Variants in USP40 observed in about 807,000 individuals in gnomAD.
USP40 encodes the protein ubiquitin carboxyl-terminal hydrolase 40.
USP40 carries 143 observed loss-of-function variants against 166.2 expected under a neutral mutation model. That is an observed-to-expected ratio of 0.86 (90% CI 0.75 to 0.99). The LOEUF is 0.99. Among genes scored for constraint, USP40 ranks in the 50% least tolerant of loss-of-function variants. The pLI is 0.00. For synonymous variants in USP40, 498 were observed against 524.0 expected (o/e 0.95, Z 0.68); for missense variants, 1,444 against 1,479.7 (o/e 0.98, Z 0.40).
chr2:233,540,790 A>G, intron 9 of USP40, 21 bp from the exon 10 acceptor site: 1 of 1,572,184 alleles, frequency 6.4e-7, no homozygotes, highest in African/African-American at 1.4e-5. Context: ...AAACACAGTC[A>G]CTCAAGAAAA....
intron 8 of USP40, among the ~76,000 whole-genome samples, chr2:233,544,959 A>G (rs2069772668): frequency 6.6e-6 from 1 of 152,164 alleles, no homozygotes; most frequent in African/African-American, 2.4e-5. Context: ...AAGGGCTGGT[A>G]GCGATCTCAG....
At chr2:233,558,650 T>C (rs1369804933) in intron 4 of USP40, among the ~76,000 whole-genome samples, 2 of 152,186 alleles carry the variant, frequency 1.3e-5, no homozygotes, top group African/African-American at 2.4e-5. Context: ...GAGTTTCTTT[T>C]TGGGGTGGTA....
chr2:233,484,122 C>T (rs761225468), intron 30 of USP40, among the ~76,000 whole-genome samples: 1 of 152,150 alleles, frequency 6.6e-6, no homozygotes, highest in Admixed American at 6.5e-5. Context: ...CGTACCACTG[C>T]ACTCCAGCCT....
At chr2:233,517,099 T>C (rs983631593) in intron 18 of USP40, among the ~76,000 whole-genome samples, 27 of 152,188 alleles carry the variant, frequency 1.8e-4, no homozygotes, top group African/African-American at 6.3e-4. Flanking sequence ...AAAAAGGCAA[T>C]GAATTTCTGT....
intron 21 of USP40, among the ~76,000 whole-genome samples, chr2:233,501,733 G>T (rs1026522688): frequency 1.3e-5 from 2 of 152,212 alleles, no homozygotes; most frequent in Non-Finnish European, 2.9e-5. Flanking sequence ...AAATGGAGTT[G>T]CCATTAACTG....
At chr2:233,481,116 C>T in intron 31 of USP40, 87 bp downstream of exon 31, 1 of 1,285,108 alleles carries the variant, frequency 7.8e-7, no homozygotes, top group Non-Finnish European at 1.1e-6. Context: ...ACAAGAGTTT[C>T]CGGTCCCTCT....
chr2:233,529,814 CTTT>C (rs369071345), intron 11 of USP40, among the ~76,000 whole-genome samples: 1 of 133,950 alleles, frequency 7.5e-6, no homozygotes, highest in Non-Finnish European at 1.5e-5. Context: ...TTTTCTTTTT[CTTT>C]TTTTTTTTGA....
At chr2:233,563,162 C>A (rs2071814801) in intron 2 of USP40, among the ~76,000 whole-genome samples, 1 of 152,198 alleles carries the variant, frequency 6.6e-6, no homozygotes, top group East Asian at 1.9e-4. Context: ...AGTTTTCCTG[C>A]CACATGTAAG....
At chr2:233,524,814 A>T (rs2125233165) in intron 14 of USP40, among the ~76,000 whole-genome samples, 1 of 152,342 alleles carries the variant, frequency 6.6e-6, no homozygotes, top group East Asian at 1.9e-4. Context: ...GGCACATGAC[A>T]TTGGAAACAG....
chr2:233,516,062 T>C (rs2067166295), intron 18 of USP40, among the ~76,000 whole-genome samples: 1 of 152,220 alleles, frequency 6.6e-6, no homozygotes, highest in Non-Finnish European at 1.5e-5. Context: ...TGATCTCTGT[T>C]GCACATGCTT....
At chr2:233,564,900 C>T (rs545874667) in intron 2 of USP40, among the ~76,000 whole-genome samples, 2 of 152,196 alleles carry the variant, frequency 1.3e-5, no homozygotes, top group Middle Eastern at 6.8e-3. Context: ...TGTGAGCTTT[C>T]CAGATTTCAG....
rs13403667 is a variant in USP40, at chr2:233,550,303, T to C, written c.837+1073A>G. Among the ~76,000 whole-genome samples, 121 of 152,138 alleles carry C rather than the reference T, an allele frequency of 8.0e-4. 3 individuals are homozygous for C. Among genetic ancestry groups the C allele is most frequent in the Non-Finnish European group, 2.6e-4 (18 of 68,014 alleles). ...AAGTAAAATGAATGTGGACTTCCTATATAAGTGCTCAATTTCTTCAATTAT... is the reference window on the plus strand; with the variant it reads ...AAGTAAAATGAATGTGGACTTCCTACATAAGTGCTCAATTTCTTCAATTAT... On this transcript the variant is annotated intron_variant, in intron 7 of 31. Coordinates refer to ENST00000678225, the MANE Select transcript of USP40 (RefSeq NM_001365479.2).
At chr2:233,559,998 C>T in intron 3 of USP40, 74 bp from the exon 4 acceptor site, 1 of 1,038,662 alleles carries the variant, frequency 9.6e-7, no homozygotes, top group Non-Finnish European at 1.4e-6. Flanking sequence ...CAACTGCATA[C>T]TAGCTTTTTT....
At chr2:233,533,392 T>C (rs1461399834) in intron 11 of USP40, 87 bp downstream of exon 11, 1 of 1,385,434 alleles carries the variant, frequency 7.2e-7, no homozygotes, top group Non-Finnish European at 9.8e-7. Context: ...AAACCTTTTT[T>C]TAAAAGAATA....
chr2:233,518,295 A>C, intron 18 of USP40, among the ~76,000 whole-genome samples: 1 of 139,454 alleles, frequency 7.2e-6, no homozygotes, highest in Non-Finnish European at 1.5e-5. Flanking sequence ...GGCTGGGCTC[A>C]GTGTCTCATG....
chr2:233,517,698 GTTT>G (rs2067325670), intron 18 of USP40, among the ~76,000 whole-genome samples: 1 of 151,948 alleles, frequency 6.6e-6, no homozygotes, highest in Non-Finnish European at 1.5e-5. Flanking sequence ...GCACATGCAT[GTTT>G]ATAGCAGCAC....
intron 22 of USP40, 24 bp from the exon 23 acceptor site, chr2:233,498,636 TA>T (rs759437931): frequency 2.6e-5 from 42 of 1,605,080 alleles, no homozygotes; most frequent in East Asian, 6.7e-5. Context: ...AAAATTGGGA[TA>T]AAAAAAATTC....
In USP40 at chr2:233,493,172, TG is replaced by T; in HGVS notation, c.2917+252del. 1.9e-6 allele frequency: 1 copy of T among 528,100 alleles called. No individual in the cohort carries two copies. Among genetic ancestry groups the T allele is most frequent in the East Asian group, 2.9e-5 (1 of 34,442 alleles). 32.7% of individuals were successfully genotyped at this position (528,100 alleles called of 1,614,324 possible). A position where few individuals can be genotyped will look rare whatever the true frequency, so the allele number is the denominator to read the frequency against. Reference sequence around the variant, plus strand: ...TTGAGAGATGATACATAAAAGTCTTTGGAAAGTGTAATATATTGATATAATA... The same window carrying T: ...TTGAGAGATGATACATAAAAGTCTTTGAAAGTGTAATATATTGATATAATA... On this transcript the variant is annotated intron_variant, in intron 25 of 31. Coordinates refer to ENST00000678225, the MANE Select transcript of USP40 (RefSeq NM_001365479.2). The surrounding 1 kb of genome is among the most constrained non-coding windows in gnomAD (Gnocchi z 4.7).
At chr2:233,509,838 T>TAAAAAAAA (rs746629187) in intron 21 of USP40, among the ~76,000 whole-genome samples, 1 of 80,826 alleles carries the variant, frequency 1.2e-5, no homozygotes, top group Admixed American at 1.5e-4. Context: ...TGAGACTCTC[T>TAAAAAAAA]AAAAAAAAAA....
Sources: gnomAD v4.1 joint callset for allele counts (sites outside exome capture counted in the v4.1 genomes callset) on GRCh38, gnomAD v4.1.1 for gene constraint, Gnocchi (gnomAD v3.1) non-coding constraint, MANE v1.5 for transcripts, NCBI Gene and HGNC (gene_info 2026-07-23, HGNC 2026-07-21) for gene names.